The following EML5 variants were observed in gnomAD, a reference collection of about 807,000 sequenced individuals.
The protein encoded by EML5 is EMAP like 5, also known as echinoderm microtubule-associated protein-like 5.
A neutral mutation model predicts 250.0 loss-of-function variants in EML5; 120 were observed. The ratio of observed to expected loss-of-function variants is 0.48; its 90% CI spans 0.41 to 0.56. The LOEUF (loss-of-function observed/expected upper bound fraction) is 0.56, where lower values mean the gene tolerates loss of function less well. Ranked by LOEUF, EML5 falls within the 20% of genes least tolerant of loss-of-function variation. The pLI, the probability that EML5 is intolerant of heterozygous loss-of-function variation, is 0.00. For synonymous variants in EML5, 771 were observed against 806.5 expected (o/e 0.96, Z 0.75); for missense variants, 2,006 against 2,437.6 (o/e 0.82, Z 3.73).
chr14:88,637,641 G>A (rs186838376), intron 32 of EML5, among the ~76,000 whole-genome samples: 21 of 152,214 alleles, frequency 1.4e-4, no homozygotes, highest in Admixed American at 1.2e-3. Context: ...CATGGCAGGT[G>A]TTCAGTAAAT....
rs548788856 is a variant in EML5 at position 88,732,219 on chromosome 14, A to C, written c.1049+4145T>G. Among the ~76,000 whole-genome samples, 1,058 of 152,264 alleles carry C rather than the reference A, an allele frequency of 6.9e-3. 11 individuals are homozygous for C. Among genetic ancestry groups the C allele is most frequent in the Non-Finnish European group, 9.4e-3 (636 of 68,018 alleles). ...TTTAGGTCTAACATGTAAGTCTTTA[A>C]TCCATCTTGAATTAATTTTTGTATA... On this transcript the variant is annotated intron_variant, in intron 7 of 43. Transcript: ENST00000554922.
At chr14:88,789,475 GCACCAC>G (rs2094585060) in intron 1 of EML5, among the ~76,000 whole-genome samples, 1 of 152,008 alleles carries the variant, frequency 6.6e-6, no homozygotes, top group Middle Eastern at 3.4e-3. Context: ...ATGTCATGTG[GCACCAC>G]CACTGGCAAT....
At chr14:88,641,127 A>G (rs1168416913) in intron 31 of EML5, among the ~76,000 whole-genome samples, 2 of 152,000 alleles carry the variant, frequency 1.3e-5, no homozygotes, top group East Asian at 1.9e-4. Context: ...GTAATAAAAA[A>G]CCTATCAAAA....
At chr14:88,783,534 G>A (rs2094519723) in intron 1 of EML5, among the ~76,000 whole-genome samples, 1 of 152,156 alleles carries the variant, frequency 6.6e-6, no homozygotes, top group Admixed American at 6.5e-5. Flanking sequence ...ATTTATACCA[G>A]AAAAAGTAGA....
At chr14:88,686,063 G>T (rs1407072270) in intron 19 of EML5, among the ~76,000 whole-genome samples, 2 of 152,030 alleles carry the variant, frequency 1.3e-5, no homozygotes, top group Non-Finnish European at 2.9e-5. Context: ...CTGTGTTAGG[G>T]GCATATTGAA....
Position 88,657,522 on chromosome 14 carries a change from G to A in EML5, c.3878-20C>T. Reference sequence around the variant, plus strand: ...CATAGCCTACAATAAAAATATACGAGTAATTCTTTAAGCAATAACTGAGAT... The same window carrying A: ...CATAGCCTACAATAAAAATATACGAATAATTCTTTAAGCAATAACTGAGAT... On this transcript the variant is annotated intron_variant, in intron 26 of 43. Coordinates refer to ENST00000554922, the MANE Select transcript of EML5 (RefSeq NM_183387.3). 6.4e-7 allele frequency: 1 copy of A among 1,574,068 alleles called. No homozygotes were observed. Among genetic ancestry groups the A allele is most frequent in the South Asian group, 1.2e-5 (1 of 82,920 alleles).
chr14:88,630,519 G>A (rs1481607494), intron 33 of EML5, among the ~76,000 whole-genome samples: 2 of 152,022 alleles, frequency 1.3e-5, no homozygotes, highest in Non-Finnish European at 2.9e-5. Context: ...GTGATTCAGG[G>A]GAAACAAACT....
Position 88,685,017 on chromosome 14 carries a change from G to A in EML5, c.2980C>T (p.Gln994Ter). The stretch of plus-strand genomic sequence containing the variant: ...AACAAATTAGCATTTAAAATTACCT[G>A]AACCAGAAGTGTTATTGGGCCACTT... ...DKSGPITLLV[Q>*]GHMEGEVWGL... Residue 994 changes from glutamine (Q) to a stop codon, truncating the protein, a stop_gained and splice_region_variant, in exon 20 of 44, where the codon CAG becomes TAG. Coordinates refer to ENST00000554922, the MANE Select transcript of EML5 (RefSeq NM_183387.3). LOFTEE classifies it high-confidence loss of function. The A allele has an allele frequency of 6.3e-7, 1 of 1,594,594 alleles. No individual in the cohort carries two copies. Among genetic ancestry groups the A allele is most frequent in the Non-Finnish European group, 8.5e-7 (1 of 1,171,948 alleles).
rs763225851 is a variant in EML5, at chr14:88,726,560, A to C, written c.1168T>G (p.Phe390Val). The change falls in exon 8 of 44, where the codon TTC (phenylalanine) becomes GTC (valine). Residue 390 changes from phenylalanine (F) to valine (V), a missense_variant. Phe to Val is a conservative substitution (Grantham distance 50). This residue lies in a region of EML5 where 1,375 missense variants were observed against 1,590.3 expected (regional missense o/e 0.86). Transcript: ENST00000554922. ...CCATACCTTACTCTAAGTACAGTGA[A>C]TGAGCCATCCTTCATTCCAAGGGCA... ...HLALGMKDGS[F>V]TVLRVRDMTE... 6.2e-7 allele frequency: 1 copy of C among 1,606,356 alleles called. No individual in the cohort carries two copies. The highest frequency in any genetic ancestry group is 1.3e-5 in the African/African-American group (1 of 74,836).
At chr14:88,657,069 C>T (rs2091900907) in intron 27 of EML5, among the ~76,000 whole-genome samples, 1 of 152,104 alleles carries the variant, frequency 6.6e-6, no homozygotes, top group Non-Finnish European at 1.5e-5. Context: ...TCATAACTCA[C>T]TGCAATCTCA....
chr14:88,623,017 C>CTTTT (rs33958046), intron 36 of EML5: 5 of 150,554 alleles, frequency 3.3e-5, no homozygotes, highest in Non-Finnish European at 5.6e-5. Flanking sequence ...TCTCATAATA[C>CTTTT]TTTTTTTTTT....
chr14:88,686,015 T>G (rs963199417), intron 19 of EML5, among the ~76,000 whole-genome samples: 3 of 152,090 alleles, frequency 2.0e-5, no homozygotes, highest in African/African-American at 7.2e-5. Flanking sequence ...TAGACTCAAC[T>G]CATACCCTTA....
chr14:88,744,005 A>G lies in EML5; in HGVS notation c.525+18T>C. 1 of 1,524,250 alleles carries G rather than the reference A, an allele frequency of 6.6e-7. No homozygotes were observed. The highest frequency in any genetic ancestry group is 2.3e-5 in the East Asian group (1 of 42,750). 94.4% of individuals were successfully genotyped at this position (1,524,250 alleles called of 1,614,324 possible). On this transcript the variant is annotated intron_variant, in intron 4 of 43. Coordinates refer to ENST00000554922, the MANE Select transcript of EML5 (RefSeq NM_183387.3). Reference sequence around the variant, plus strand: ...GAGAACTAAACGTGACTATTATAAAACAAGACCCTTCTAGTACCTTGATAT... The same window carrying G: ...GAGAACTAAACGTGACTATTATAAAGCAAGACCCTTCTAGTACCTTGATAT...
intron 27 of EML5, among the ~76,000 whole-genome samples, chr14:88,651,262 T>C (rs1280558481): frequency 6.6e-6 from 1 of 151,588 alleles, no homozygotes; most frequent in East Asian, 1.9e-4. Context: ...TTTCAAAATA[T>C]TTAGCAGGGT....
At chr14:88,789,003 C>G (rs969140586) in intron 1 of EML5, among the ~76,000 whole-genome samples, 2 of 150,920 alleles carry the variant, frequency 1.3e-5, no homozygotes, top group African/African-American at 4.9e-5. Flanking sequence ...TTCAAAGATA[C>G]AGTGAGCAGT....
chr14:88,676,981 T>G (rs2092608972), intron 21 of EML5, among the ~76,000 whole-genome samples: 1 of 152,226 alleles, frequency 6.6e-6, no homozygotes. Context: ...CTTGGCTCAC[T>G]GCAACCTTCA....
intron 32 of EML5, among the ~76,000 whole-genome samples, chr14:88,635,337 T>C (rs993098135): frequency 6.6e-6 from 1 of 152,088 alleles, no homozygotes; most frequent in African/African-American, 2.4e-5. Flanking sequence ...GCAGACCACA[T>C]AGGAAATATC....
chr14:88,776,879 T>G (rs1311636808), intron 1 of EML5, among the ~76,000 whole-genome samples: 1 of 151,850 alleles, frequency 6.6e-6, no homozygotes, highest in African/African-American at 2.4e-5. Flanking sequence ...AGACCCCGTC[T>G]CAAAAATGAA....
At chr14:88,766,154 G>A (rs918814812) in intron 1 of EML5, among the ~76,000 whole-genome samples, 2 of 152,122 alleles carry the variant, frequency 1.3e-5, no homozygotes, top group African/African-American at 4.8e-5. Context: ...TCAGGACCCT[G>A]TGATTATTGC....
Sources: allele counts gnomAD v4.1 joint callset (sites outside exome capture counted in the v4.1 genomes callset), GRCh38; gene constraint gnomAD v4.1.1; regional missense constraint gnomAD v4.1.1; transcripts MANE v1.5; gene names NCBI Gene and HGNC (gene_info 2026-07-23, HGNC 2026-07-21).